Variants in EYS observed in about 807,000 individuals in gnomAD.
EYS encodes protein eyes shut homolog.
A neutral mutation model predicts 282.1 loss-of-function variants in EYS; 250 were observed. The ratio of observed to expected loss-of-function variants is 0.89; its 90% confidence interval spans 0.80 to 0.98. The LOEUF is 0.98. Among genes scored for constraint, EYS ranks in the 50% least tolerant of loss-of-function variants. The pLI is 0.00. For missense variants in EYS, 4,016 were observed against 3,709.0 expected (o/e 1.08, Z -2.15); for synonymous variants, 1,355 against 1,282.9 (o/e 1.06, Z -1.20).
At chr6:64,507,422 T>TA (rs780269414) in intron 26 of EYS, among the ~76,000 whole-genome samples, 1 of 152,190 alleles carries the variant, frequency 6.6e-6, no homozygotes, top group Non-Finnish European at 1.5e-5. Context: ...ACAACATTTA[T>TA]AAAAACTCAG....
At chr6:65,102,413 C>T (rs1554152265) in intron 12 of EYS, among the ~76,000 whole-genome samples, 1 of 150,978 alleles carries the variant, frequency 6.6e-6, no homozygotes, top group Non-Finnish European at 1.5e-5. Context: ...TATTGTAGTA[C>T]AAAAAATAGA....
At chr6:64,047,472 C>A (rs990698352) in intron 33 of EYS, among the ~76,000 whole-genome samples, 1 of 152,072 alleles carries the variant, frequency 6.6e-6, no homozygotes, top group African/African-American at 2.4e-5. Context: ...ACTTGATGGG[C>A]GTGCAGAACT....
intron 12 of EYS, among the ~76,000 whole-genome samples, chr6:65,276,309 C>A (rs1458837699): frequency 6.6e-6 from 1 of 152,050 alleles, no homozygotes; most frequent in East Asian, 1.9e-4. Flanking sequence ...CACCATTATT[C>A]CTAGTGACCC....
intron 26 of EYS, among the ~76,000 whole-genome samples, chr6:64,538,262 G>T (rs1482521629): frequency 2.0e-5 from 3 of 152,072 alleles, no homozygotes; most frequent in African/African-American, 7.2e-5. Flanking sequence ...AGGAATAAAT[G>T]ATTTAGACAA....
At chr6:65,452,565 T>A (rs1041118791) in intron 5 of EYS, among the ~76,000 whole-genome samples, 1 of 152,086 alleles carries the variant, frequency 6.6e-6, no homozygotes, top group African/African-American at 2.4e-5. Flanking sequence ...ATAAAAAATA[T>A]TATGTAATTG....
intron 23 of EYS, among the ~76,000 whole-genome samples, chr6:64,625,004 A>G (rs1249534819): frequency 6.6e-6 from 1 of 152,142 alleles, no homozygotes; most frequent in East Asian, 1.9e-4. Context: ...ATATAGTTGG[A>G]ACTATAGGCA....
At chr6:64,748,652 G>A (rs1306300452) in intron 22 of EYS, among the ~76,000 whole-genome samples, 4 of 152,256 alleles carry the variant, frequency 2.6e-5, no homozygotes, top group Admixed American at 2.6e-4. Context: ...AGAAAACACA[G>A]TGGAATCTGA....
intron 28 of EYS, among the ~76,000 whole-genome samples, chr6:64,403,551 G>T (rs1773608632): frequency 6.6e-6 from 1 of 152,030 alleles, no homozygotes; most frequent in Non-Finnish European, 1.5e-5. Flanking sequence ...TAGAGATGGG[G>T]TTTCACCATA....
intron 33 of EYS, among the ~76,000 whole-genome samples, chr6:64,020,299 A>G (rs925755139): frequency 1.3e-5 from 2 of 152,180 alleles, no homozygotes; most frequent in Admixed American, 1.3e-4. Flanking sequence ...TACACATACA[A>G]TGCATGTACA....
chr6:63,947,120 CT>C (rs1441693903), intron 35 of EYS, among the ~76,000 whole-genome samples: 1 of 151,912 alleles, frequency 6.6e-6, no homozygotes, highest in Non-Finnish European at 1.5e-5. Context: ...TAACAACATA[CT>C]TTTTAAGAAA....
intron 35 of EYS, among the ~76,000 whole-genome samples, chr6:63,881,262 C>G (rs1773124527): frequency 6.6e-6 from 1 of 152,124 alleles, no homozygotes. Flanking sequence ...CTGCAGGAAG[C>G]AATTCCTAAA....
At chr6:65,633,843 T>G (rs763834922) in intron 2 of EYS, among the ~76,000 whole-genome samples, 1 of 152,220 alleles carries the variant, frequency 6.6e-6, no homozygotes, top group African/African-American at 2.4e-5. Flanking sequence ...ATTTACATAT[T>G]GTCTATGGCT....
chr6:64,081,613 T>A (rs143491757), intron 32 of EYS, among the ~76,000 whole-genome samples: 3 of 152,326 alleles, frequency 2.0e-5, no homozygotes, highest in Admixed American at 2.0e-4. Context: ...GCTGTCAAAT[T>A]CATATGCTTG....
chr6:64,068,847 G>C (rs1771471686), intron 32 of EYS, among the ~76,000 whole-genome samples: 1 of 151,932 alleles, frequency 6.6e-6, no homozygotes, highest in Admixed American at 6.6e-5. Flanking sequence ...TGGAACTGGT[G>C]AGTGTTATTT....
rs145454262 is a variant in EYS at position 63,927,724 on chromosome 6, C to T, written c.7055+56659G>A. Among the ~76,000 whole-genome samples the T allele has an allele frequency of 5.0e-4, 76 of 152,312 alleles. 2 individuals are homozygous for T. The East Asian group carries it at 9.1e-3, about 18-fold the overall frequency. ...CTGCTGAATCTCTGGCTCAAGAGAT[C>T]GTTAAGCAGATGCTAGAAACAGAAG... On this transcript the variant is annotated intron_variant, in intron 35 of 42. Coordinates refer to ENST00000503581, the MANE Select transcript of EYS (RefSeq NM_001142800.2).
chr6:65,170,156 T>A (rs1377359277), intron 12 of EYS, among the ~76,000 whole-genome samples: 1 of 151,254 alleles, frequency 6.6e-6, no homozygotes, highest in Non-Finnish European at 1.5e-5. Flanking sequence ...ATGGTGAAGA[T>A]GTTGGATTTT....
At chr6:65,389,643 T>C (rs1398699747) in intron 7 of EYS, among the ~76,000 whole-genome samples, 1 of 152,166 alleles carries the variant, frequency 6.6e-6, no homozygotes, top group Middle Eastern at 3.4e-3. Flanking sequence ...TTTAAAGGAT[T>C]TGTTGATGGA....
At chr6:64,182,860 C>T (rs1362901675) in intron 31 of EYS, among the ~76,000 whole-genome samples, 2 of 152,096 alleles carry the variant, frequency 1.3e-5, no homozygotes, top group Non-Finnish European at 2.9e-5. Context: ...TCCTGTCTAC[C>T]CTCTTTCCTG....
intron 33 of EYS, among the ~76,000 whole-genome samples, chr6:64,013,291 C>G (rs568168376): frequency 6.6e-6 from 1 of 152,262 alleles, no homozygotes; most frequent in Non-Finnish European, 1.5e-5. Flanking sequence ...CAATGGGACT[C>G]GCAGCATATT....
Sources: gnomAD v4.1 joint callset for allele counts (sites outside exome capture counted in the v4.1 genomes callset) on GRCh38, gnomAD v4.1.1 for gene constraint, MANE v1.5 for transcripts, NCBI Gene and HGNC (gene_info 2026-07-23, HGNC 2026-07-21) for gene names.